PLCL2: variants seen among roughly 807,000 people sequenced by gnomAD.
The protein encoded by PLCL2 is inactive phospholipase C-like protein 2.
Under a neutral mutation model 79.6 loss-of-function variants are expected in PLCL2, and 4 were observed. That is an observed-to-expected ratio of 0.05 (90% CI 0.02 to 0.11). The LOEUF is 0.11. PLCL2 is among the 10% of genes least tolerant of loss of function. The probability of loss-of-function intolerance (pLI) is 1.00; values close to 1 mark genes in which losing one functional copy is unlikely to be tolerated. For missense variants in PLCL2, 895 were observed against 1,291.0 expected (o/e 0.69, Z 4.70); for synonymous variants, 484 against 457.7 (o/e 1.06, Z -0.73).
Position 17,082,597 on chromosome 3 carries a change from C to G in PLCL2, c.3205-7136C>G, listed in dbSNP as rs75407301. Among the ~76,000 whole-genome samples the G allele has an allele frequency of 9.2e-4, 140 of 152,198 alleles. 2 individuals carry two copies. Among genetic ancestry groups the G allele is most frequent in the East Asian group, 7.1e-3 (37 of 5,182 alleles). On this transcript the variant is annotated intron_variant, in intron 5 of 5. Coordinates refer to ENST00000615277, the MANE Select transcript of PLCL2 (RefSeq NM_001144382.2). Reference sequence around the variant, plus strand: ...CTTTGTGTCTCGCCTTGGTAATGTCCAAAGGCCTATTCTGTTTAAGATACC... The same window carrying G: ...CTTTGTGTCTCGCCTTGGTAATGTCGAAAGGCCTATTCTGTTTAAGATACC...
chr3:16,940,739 G>A (rs1697660117), intron 1 of PLCL2, among the ~76,000 whole-genome samples: 1 of 152,190 alleles, frequency 6.6e-6, no homozygotes, highest in African/African-American at 2.4e-5. Context: ...TATCAGGCAA[G>A]TTATTTAACC....
At position 17,086,170 on chromosome 3, in the gene PLCL2, G is replaced by T. The variant is rs539097405; in HGVS notation, c.3205-3563G>T. Reference sequence around the variant, plus strand: ...AGGAGAAGAATAAAATCAGAGGACAGACTTTATCTGACTTTAAAACTTACT... The same window carrying T: ...AGGAGAAGAATAAAATCAGAGGACATACTTTATCTGACTTTAAAACTTACT... On this transcript the variant is annotated intron_variant, in intron 5 of 5. Coordinates refer to ENST00000615277, the MANE Select transcript of PLCL2 (RefSeq NM_001144382.2). Among the ~76,000 whole-genome samples, 28 of 152,262 alleles carry T rather than the reference G, an allele frequency of 1.8e-4. No homozygotes were observed. The South Asian group carries it at 2.7e-3, about 15-fold the overall frequency.
intron 1 of PLCL2, among the ~76,000 whole-genome samples, chr3:17,002,694 TCTCTC>T (rs2064222830): frequency 6.6e-6 from 1 of 152,178 alleles, no homozygotes; most frequent in Non-Finnish European, 1.5e-5. Context: ...TGCCCTATTA[TCTCTC>T]CTGTTTTTCC....
chr3:16,999,901 G>A (rs904577685), intron 1 of PLCL2, among the ~76,000 whole-genome samples: 6 of 152,088 alleles, frequency 3.9e-5, no homozygotes, highest in Non-Finnish European at 7.4e-5. Context: ...TCACAACTCT[G>A]TAAAACATTT....
intron 4 of PLCL2, among the ~76,000 whole-genome samples, chr3:17,045,242 A>G (rs1387780399): frequency 6.6e-6 from 1 of 152,158 alleles, no homozygotes; most frequent in Admixed American, 6.5e-5. Context: ...GCTGCAAGAG[A>G]GGATTATTTT....
At chr3:16,937,796 C>CT (rs1697577139) in intron 1 of PLCL2, among the ~76,000 whole-genome samples, 3 of 152,078 alleles carry the variant, frequency 2.0e-5, no homozygotes, top group African/African-American at 7.2e-5. Context: ...AAAGATGTTT[C>CT]TTTTTTATGA....
At chr3:16,997,600 G>A (rs367871902) in intron 1 of PLCL2, among the ~76,000 whole-genome samples, 7 of 149,772 alleles carry the variant, frequency 4.7e-5, no homozygotes, top group Non-Finnish European at 5.9e-5. Context: ...ATGCAGTGGC[G>A]CAATCTCAGC....
At chr3:16,980,820 C>T (rs999088554) in intron 1 of PLCL2, among the ~76,000 whole-genome samples, 16 of 152,282 alleles carry the variant, frequency 1.1e-4, no homozygotes, top group Admixed American at 5.9e-4. Context: ...GCCAAGATCA[C>T]GCCACTGCAC....
At chr3:17,052,107 G>A (rs2064847321) in intron 4 of PLCL2, among the ~76,000 whole-genome samples, 1 of 152,068 alleles carries the variant, frequency 6.6e-6, no homozygotes, top group South Asian at 2.1e-4. Flanking sequence ...TACCATTGTT[G>A]CTACAGAAAA....
At chr3:17,001,055 T>A (rs955736229) in intron 1 of PLCL2, among the ~76,000 whole-genome samples, 2 of 151,614 alleles carry the variant, frequency 1.3e-5, no homozygotes, top group African/African-American at 4.8e-5. Context: ...TATACCTTTC[T>A]TCACATCTAC....
At chr3:16,889,041 CA>C (rs780289284) in intron 1 of PLCL2, among the ~76,000 whole-genome samples, 3 of 152,186 alleles carry the variant, frequency 2.0e-5, no homozygotes, top group Non-Finnish European at 4.4e-5. Flanking sequence ...CAGACAATGG[CA>C]ATCTTCGGTT....
At chr3:16,964,684 GT>G (rs1174700498) in intron 1 of PLCL2, among the ~76,000 whole-genome samples, 1 of 151,812 alleles carries the variant, frequency 6.6e-6, no homozygotes, top group African/African-American at 2.4e-5. Context: ...AGCACCTGTT[GT>G]TTCCTGACTT....
chr3:17,004,155 G>A (rs1178108924), intron 1 of PLCL2, among the ~76,000 whole-genome samples: 11 of 152,248 alleles, frequency 7.2e-5, no homozygotes, highest in African/African-American at 2.2e-4. Context: ...CTGTGTGACC[G>A]TGGCTCTCTG....
At chr3:17,040,236 A>G (rs1005808412) in intron 3 of PLCL2, among the ~76,000 whole-genome samples, 1 of 152,196 alleles carries the variant, frequency 6.6e-6, no homozygotes, top group African/African-American at 2.4e-5. Context: ...GAATAAACAA[A>G]TGATCCTCCA....
rs4685396 is a variant in PLCL2, at chr3:16,898,768, G to T, written c.327+13402G>T. Among the ~76,000 whole-genome samples, 25 of 152,220 alleles carry T rather than the reference G, an allele frequency of 1.6e-4. No homozygotes were observed. The East Asian group carries it at 3.1e-3, about 19-fold the overall frequency. ...GCAACTCTCAGGGCCGTCATTCCTG[G>T]GAACAACAGGGACCACGGGATCTAT... is the stretch of plus-strand genomic sequence containing the variant. On this transcript the variant is annotated intron_variant, in intron 1 of 5. Transcript: ENST00000615277.
At chr3:16,885,961 C>T (rs2124911758) in intron 1 of PLCL2, among the ~76,000 whole-genome samples, 1 of 152,308 alleles carries the variant, frequency 6.6e-6, no homozygotes, top group African/African-American at 2.4e-5. Flanking sequence ...GGCTCAAAAG[C>T]TCAGAGATTA....
At chr3:16,896,757 T>C (rs1258361639) in intron 1 of PLCL2, among the ~76,000 whole-genome samples, 5 of 152,208 alleles carry the variant, frequency 3.3e-5, no homozygotes, top group Non-Finnish European at 5.9e-5. Context: ...TTAGCTCTAC[T>C]GAACACTTAT....
chr3:16,980,872 G>A lies in PLCL2; in HGVS notation c.328-28802G>A, dbSNP rs544476104. On this transcript the variant is annotated intron_variant, in intron 1 of 5. Transcript: ENST00000615277. ...TTGAGCACTGAGTGAACGAGACTCC[G>A]TCTGCAATCCCGGCACCTCGGGAGG... 2.2e-3 allele frequency among the ~76,000 whole-genome samples: 341 copies of A among 152,358 alleles called. 1 individual carries two copies. Among genetic ancestry groups the A allele is most frequent in the Non-Finnish European group, 3.8e-3 (261 of 68,036 alleles).
At chr3:17,038,313 G>A (rs2064679891) in intron 3 of PLCL2, among the ~76,000 whole-genome samples, 1 of 152,170 alleles carries the variant, frequency 6.6e-6, no homozygotes, top group Non-Finnish European at 1.5e-5. Flanking sequence ...AAGCATCCAT[G>A]TGGCGAGTTA....
Sources: gnomAD v4.1 joint callset for allele counts (sites outside exome capture counted in the v4.1 genomes callset) on GRCh38, gnomAD v4.1.1 for gene constraint, MANE v1.5 for transcripts, NCBI Gene and HGNC (gene_info 2026-07-23, HGNC 2026-07-21) for gene names.